Variants in PCDHGB2 observed in about 807,000 individuals in gnomAD.
PCDHGB2 encodes the protein protocadherin gamma subfamily B, 2.
PCDHGB2 carries 55 observed loss-of-function variants against 59.3 expected under a neutral mutation model. The ratio of observed to expected loss-of-function variants is 0.93; its 90% CI spans 0.75 to 1.16. The LOEUF (loss-of-function observed/expected upper bound fraction) is 1.16, where lower values mean the gene tolerates loss of function less well. Among genes scored for constraint, PCDHGB2 ranks in the 50% most tolerant of loss-of-function variants. The pLI, the probability that PCDHGB2 is intolerant of heterozygous loss-of-function variation, is 0.00. For synonymous variants in PCDHGB2, 516 were observed against 512.0 expected (o/e 1.01, Z -0.11); for missense variants, 1,228 against 1,198.5 (o/e 1.02, Z -0.36).
chr5:141,510,451 G>A (rs1330148267), intron 3 of PCDHGB2, among the ~76,000 whole-genome samples: 2 of 152,096 alleles, frequency 1.3e-5, no homozygotes, highest in East Asian at 1.9e-4. Context: ...AGGAGCCCAT[G>A]GTCTAGTGTG....
chr5:141,374,724 C>A (rs1384151075), intron 1 of PCDHGB2: 1 of 1,610,030 alleles, frequency 6.2e-7, no homozygotes, highest in African/African-American at 1.3e-5. Context: ...GTCCTTACTG[C>A]CATGGATGGC....
chr5:141,463,438 C>CTTTTTTTT (rs71576115), intron 1 of PCDHGB2, among the ~76,000 whole-genome samples: 3 of 103,252 alleles, frequency 2.9e-5, no homozygotes, highest in African/African-American at 8.9e-5. Context: ...TTTCCTTCTC[C>CTTTTTTTT]TTTTTTTTTT....
rs766151180 is a variant in PCDHGB2 at position 141,432,210 on chromosome 5, A to G, written c.2422-62597A>G. On this transcript the variant is annotated intron_variant, in intron 1 of 3. Transcript: ENST00000522605. This position sits in a 1 kb window ranked among gnomAD's most constrained non-coding sequence, Gnocchi z 6.0. Reference sequence around the variant, plus strand: ...GCCCACGACCCCGACTGTGAAGAGAACGCCCAGATCACTTATTCCCTGGCT... The same window carrying G: ...GCCCACGACCCCGACTGTGAAGAGAGCGCCCAGATCACTTATTCCCTGGCT... 1 of 1,614,138 alleles carries G rather than the reference A, an allele frequency of 6.2e-7. No individual in the cohort carries two copies. Among genetic ancestry groups the G allele is most frequent in the Non-Finnish European group, 8.5e-7 (1 of 1,180,018 alleles).
At chr5:141,504,352 G>A (rs2099837588) in intron 2 of PCDHGB2, among the ~76,000 whole-genome samples, 3 of 152,016 alleles carry the variant, frequency 2.0e-5, no homozygotes, top group Admixed American at 1.3e-4. Flanking sequence ...TTTGTGCTAG[G>A]TGCTTCAGTA....
chr5:141,457,809 C>A (rs1404645915), intron 1 of PCDHGB2, among the ~76,000 whole-genome samples: 1 of 152,180 alleles, frequency 6.6e-6, no homozygotes, highest in Non-Finnish European at 1.5e-5. Flanking sequence ...CTCTTGAGGT[C>A]CCAAGATAAA....
At chr5:141,369,020 A>G (rs1349066558) in intron 1 of PCDHGB2, among the ~76,000 whole-genome samples, 1 of 152,204 alleles carries the variant, frequency 6.6e-6, no homozygotes, top group African/African-American at 2.4e-5. Context: ...TTATTGCTGC[A>G]CACTTGCCTA....
rs2099730037 is a variant in PCDHGB2 at position 141,491,783 on chromosome 5, A to G, written c.2422-3024A>G. The G allele has an allele frequency of 1.3e-6, 2 of 1,539,618 alleles. No homozygotes were observed. The highest frequency in any genetic ancestry group is 2.2e-5 in the Admixed American group (1 of 46,412). On this transcript the variant is annotated intron_variant, in intron 1 of 3. Transcript: ENST00000522605. The surrounding 1 kb of genome is among the most constrained non-coding windows in gnomAD (Gnocchi z 6.9). ...CGTCCTCATAAGGGATTGAACTTGC[A>G]TCCACTCCTCTCCGGCCGGCTTGGT...
Position 141,361,738 on chromosome 5 carries a change from C to G in PCDHGB2, c.1603C>G (p.Arg535Gly), listed in dbSNP as rs1860251. 4 of 1,613,022 alleles carry G rather than the reference C, an allele frequency of 2.5e-6. No individual in the cohort carries two copies. Among genetic ancestry groups the G allele is most frequent in the Non-Finnish European group, 3.4e-6 (4 of 1,179,768 alleles). ...CGCCTTCGAGCTCACACTGCAGGCCCGCGACCAGGGCTCGCCCGCGCTCAG... is the reference window on the plus strand; with the variant it reads ...CGCCTTCGAGCTCACACTGCAGGCCGGCGACCAGGGCTCGCCCGCGCTCAG... ...LRAFELTLQA[R>G]DQGSPALSAN... The change falls in exon 1 of 4, where the codon CGC (arginine) becomes GGC (glycine). Residue 535 changes from arginine to glycine, a missense_variant. By Grantham distance (125) the Arg-to-Gly change is moderately radical. This residue lies in a region of PCDHGB2 where 781 missense variants were observed against 721.6 expected (regional missense o/e 1.08). Transcript: ENST00000522605.
chr5:141,370,911 A>C lies in PCDHGB2; in HGVS notation c.2421+8355A>C, dbSNP rs1463962287. On this transcript the variant is annotated intron_variant, in intron 1 of 3. Transcript: ENST00000522605. ...CAATTCGCTGCAGCAGTACTACCTCAGCCCTGATCCGCACTTCTCTTTGAT... is the reference window on the plus strand; with the variant it reads ...CAATTCGCTGCAGCAGTACTACCTCCGCCCTGATCCGCACTTCTCTTTGAT... 3.7e-6 allele frequency: 6 copies of C among 1,613,916 alleles called. No homozygotes were observed. In the Admixed American group the frequency reaches 1.0e-4, roughly 27 times the overall value.
rs754178145 is a variant in PCDHGB2 at position 141,489,423 on chromosome 5, C to G, written c.2422-5384C>G. On this transcript the variant is annotated intron_variant, in intron 1 of 3. Transcript: ENST00000522605. The surrounding 1 kb of genome is among the most constrained non-coding windows in gnomAD (Gnocchi z 4.5). ...GCTTAAAGATGACAGATCTGTTGAG[C>G]CGGCGGCTGCAATTGGGCTCTGAGG... 3 of 1,614,098 alleles carry G rather than the reference C, an allele frequency of 1.9e-6. No individual in the cohort carries two copies. The highest frequency in any genetic ancestry group is 1.7e-5 in the Admixed American group (1 of 60,020).
intron 1 of PCDHGB2, chr5:141,414,389 A>G: frequency 1.9e-6 from 3 of 1,613,926 alleles, no homozygotes; most frequent in African/African-American, 2.7e-5. Context: ...ATTGACAGTT[A>G]TTACAGATTG....
intron 1 of PCDHGB2, chr5:141,428,481 C>T (rs2097141995): frequency 3.0e-6 from 1 of 331,008 alleles, no homozygotes; most frequent in Non-Finnish European, 5.8e-6. Flanking sequence ...TGCTTTATTC[C>T]TGCAATCTGT....
At position 141,490,938 on chromosome 5, in the gene PCDHGB2, C is replaced by T. The variant is rs2099706179; in HGVS notation, c.2422-3869C>T. ...ATGATAATGCCCCAGCTGTGCTGCA[C>T]CCACGGCCAGACTGGGAACACTCAG... On this transcript the variant is annotated intron_variant, in intron 1 of 3. Coordinates refer to ENST00000522605, the MANE Select transcript of PCDHGB2 (RefSeq NM_018923.3). This position sits in a 1 kb window ranked among gnomAD's most constrained non-coding sequence, Gnocchi z 5.4. 6.2e-7 allele frequency: 1 copy of T among 1,613,554 alleles called. No homozygotes were observed. Among genetic ancestry groups the T allele is most frequent in the African/African-American group, 1.3e-5 (1 of 74,934 alleles).
intron 1 of PCDHGB2, among the ~76,000 whole-genome samples, chr5:141,438,655 T>G (rs1436221152): frequency 7.1e-6 from 1 of 140,042 alleles, no homozygotes; most frequent in East Asian, 2.1e-4. Flanking sequence ...CACACACATA[T>G]ATGTATATAT....
At position 141,490,359 on chromosome 5, in the gene PCDHGB2, T is replaced by A; in HGVS notation, c.2422-4448T>A. On this transcript the variant is annotated intron_variant, in intron 1 of 3. Coordinates refer to ENST00000522605, the MANE Select transcript of PCDHGB2 (RefSeq NM_018923.3). The surrounding 1 kb of genome is among the most constrained non-coding windows in gnomAD (Gnocchi z 5.4). ...TGGGCACAGTAGTGGGGTTGTTTAA[T>A]GTGCGAGACCGGGACTCAGGTAGAA... 6.2e-7 allele frequency: 1 copy of A among 1,614,212 alleles called. No individual in the cohort carries two copies. The highest frequency in any genetic ancestry group is 8.5e-7 in the Non-Finnish European group (1 of 1,180,036).
chr5:141,442,149 T>C, intron 1 of PCDHGB2: 1 of 159,274 alleles, frequency 6.3e-6, no homozygotes, highest in Non-Finnish European at 1.4e-5. Flanking sequence ...CTGCCAGACC[T>C]CAGCGATCAC....
chr5:141,500,645 A>C (rs2099801792), intron 2 of PCDHGB2, among the ~76,000 whole-genome samples: 1 of 152,228 alleles, frequency 6.6e-6, no homozygotes, highest in African/African-American at 2.4e-5. Flanking sequence ...GTTTTTTAAA[A>C]ATAGCAACTG....
At chr5:141,492,189 G>C (rs2099737936) in intron 1 of PCDHGB2, among the ~76,000 whole-genome samples, 1 of 152,204 alleles carries the variant, frequency 6.6e-6, no homozygotes, top group Non-Finnish European at 1.5e-5. Context: ...GCACCTGTCT[G>C]CGGGACTTAG....
chr5:141,366,824 C>T, intron 1 of PCDHGB2: 1 of 1,535,428 alleles, frequency 6.5e-7, no homozygotes, highest in Non-Finnish European at 8.8e-7. Context: ...CTGTCATATT[C>T]AGAATCAGCT....
Sources: gnomAD v4.1 joint callset for allele counts (sites outside exome capture counted in the v4.1 genomes callset) on GRCh38, gnomAD v4.1.1 for gene constraint, gnomAD v4.1.1 regional missense constraint, Gnocchi (gnomAD v3.1) non-coding constraint, MANE v1.5 for transcripts, NCBI Gene and HGNC (gene_info 2026-07-23, HGNC 2026-07-21) for gene names.